The following FHIT variants were observed in gnomAD, a reference collection of about 807,000 sequenced individuals.
The protein encoded by FHIT is fragile histidine triad diadenosine triphosphatase, also known as bis(5'-adenosyl)-triphosphatase.
Under a neutral mutation model 17.9 loss-of-function variants are expected in FHIT, and 19 were observed. That is an observed-to-expected ratio of 1.06 (90% confidence interval 0.74 to 1.56). The LOEUF is 1.56. FHIT is among the 40% of genes most tolerant of loss of function. The pLI is 0.00. For missense variants in FHIT, 248 were observed against 189.2 expected (o/e 1.31, Z -1.82); for synonymous variants, 81 against 69.7 (o/e 1.16, Z -0.81).
chr3:59,889,486 G>T (rs1263285629), intron 8 of FHIT, among the ~76,000 whole-genome samples: 1 of 152,146 alleles, frequency 6.6e-6, no homozygotes, highest in African/African-American at 2.4e-5. Flanking sequence ...ACATCATGAA[G>T]GTGAGACCCT....
chr3:60,522,800 G>A (rs1327149559), intron 5 of FHIT, among the ~76,000 whole-genome samples: 1 of 152,126 alleles, frequency 6.6e-6, no homozygotes, highest in Non-Finnish European at 1.5e-5. Flanking sequence ...CTCAAGAATT[G>A]ATGCTCTTTC....
chr3:60,803,824 C>A (rs1553733074), intron 4 of FHIT, among the ~76,000 whole-genome samples: 1 of 152,032 alleles, frequency 6.6e-6, no homozygotes, highest in African/African-American at 2.4e-5. Context: ...CGCTGAATGC[C>A]AACTCAGCCA....
At chr3:60,918,266 G>C in intron 3 of FHIT, among the ~76,000 whole-genome samples, 1 of 152,130 alleles carries the variant, frequency 6.6e-6, no homozygotes, top group Non-Finnish European at 1.5e-5. Flanking sequence ...GTCTTTACTA[G>C]CAGTGTGAGA....
At chr3:60,075,153 A>G (rs1202551495) in intron 5 of FHIT, among the ~76,000 whole-genome samples, 1 of 152,184 alleles carries the variant, frequency 6.6e-6, no homozygotes, top group Non-Finnish European at 1.5e-5. Flanking sequence ...CACACAGGAA[A>G]TAAAGGCACA....
At position 60,433,215 on chromosome 3, in the gene FHIT, A is replaced by G. The variant is rs181609588; in HGVS notation, c.103+103645T>C. 2.4e-3 allele frequency among the ~76,000 whole-genome samples: 364 copies of G among 152,218 alleles called. 1 individual carries two copies. Among genetic ancestry groups the G allele is most frequent in the Non-Finnish European group, 4.0e-3 (275 of 68,002 alleles). On this transcript the variant is annotated intron_variant, in intron 5 of 9. Coordinates refer to ENST00000492590, the MANE Select transcript of FHIT (RefSeq NM_002012.4). ...AATATCATCTGACATGATGACCTTC[A>G]GGTTCATCTACATTATCTCCTATGA... is the stretch of plus-strand genomic sequence containing the variant.
intron 5 of FHIT, among the ~76,000 whole-genome samples, chr3:60,357,124 G>C (rs777999870): frequency 6.6e-6 from 1 of 152,160 alleles, no homozygotes; most frequent in African/African-American, 2.4e-5. Context: ...TATTATGTAG[G>C]CATTCTCAAG....
chr3:60,551,614 G>C (rs1255413088), intron 4 of FHIT, among the ~76,000 whole-genome samples: 1 of 127,248 alleles, frequency 7.9e-6, no homozygotes, highest in Non-Finnish European at 1.7e-5. Context: ...GAAGAAATTA[G>C]CTGGGTGTGG....
At chr3:59,845,593 CTTCTGT>C (rs1701689356) in intron 8 of FHIT, among the ~76,000 whole-genome samples, 1 of 151,884 alleles carries the variant, frequency 6.6e-6, no homozygotes, top group Non-Finnish European at 1.5e-5. Context: ...TTCAGTTTTC[CTTCTGT>C]TACTGATTTC....
At chr3:60,495,457 C>T (rs1297574387) in intron 5 of FHIT, among the ~76,000 whole-genome samples, 1 of 151,704 alleles carries the variant, frequency 6.6e-6, no homozygotes, top group African/African-American at 2.4e-5. Context: ...ATGAGGTAAA[C>T]AAATATGAGT....
chr3:61,086,247 G>C (rs900406418), intron 2 of FHIT, among the ~76,000 whole-genome samples: 4 of 152,048 alleles, frequency 2.6e-5, no homozygotes, highest in African/African-American at 9.7e-5. Context: ...AAAATATATA[G>C]AGAGTCTTTA....
chr3:60,839,688 T>C (rs1702653018), intron 3 of FHIT, among the ~76,000 whole-genome samples: 1 of 152,170 alleles, frequency 6.6e-6, no homozygotes, highest in Non-Finnish European at 1.5e-5. Context: ...AGCTCATTTG[T>C]TGTCCCTCTC....
At chr3:60,502,499 G>T (rs1041269296) in intron 5 of FHIT, among the ~76,000 whole-genome samples, 1 of 152,110 alleles carries the variant, frequency 6.6e-6, no homozygotes, top group Admixed American at 6.5e-5. Flanking sequence ...TTTCTTGCGG[G>T]TTTAGGTCTT....
At chr3:59,898,435 T>C (rs950534400) in intron 8 of FHIT, among the ~76,000 whole-genome samples, 1 of 145,918 alleles carries the variant, frequency 6.9e-6, no homozygotes, top group African/African-American at 2.7e-5. Flanking sequence ...TGTGTGCGTG[T>C]GTATGTTTGT....
At chr3:59,774,201 G>C (rs1702200883) in intron 8 of FHIT, among the ~76,000 whole-genome samples, 1 of 152,156 alleles carries the variant, frequency 6.6e-6, no homozygotes, top group Admixed American at 6.6e-5. Context: ...ATTTGGTAAA[G>C]GGGCTTTTAT....
At chr3:60,476,430 T>A (rs1003706009) in intron 5 of FHIT, among the ~76,000 whole-genome samples, 3 of 152,094 alleles carry the variant, frequency 2.0e-5, no homozygotes, top group African/African-American at 7.2e-5. Flanking sequence ...AAAAAGTAAC[T>A]GCTATAAGGG....
intron 8 of FHIT, among the ~76,000 whole-genome samples, chr3:59,767,575 G>A (rs1025367912): frequency 3.9e-5 from 6 of 152,240 alleles, no homozygotes; most frequent in Middle Eastern, 6.8e-3. Context: ...TTTTGCTCCC[G>A]GAAAGTGGAA....
At chr3:60,046,082 C>G (rs1373249297) in intron 5 of FHIT, among the ~76,000 whole-genome samples, 6 of 152,160 alleles carry the variant, frequency 3.9e-5, no homozygotes. Flanking sequence ...TATATTTCTG[C>G]CTAATATTTC....
intron 5 of FHIT, among the ~76,000 whole-genome samples, chr3:60,467,732 T>C (rs1451034722): frequency 6.6e-6 from 1 of 152,066 alleles, no homozygotes. Context: ...TTTTGTGGCC[T>C]GAAATATGGT....
intron 3 of FHIT, among the ~76,000 whole-genome samples, chr3:60,992,618 G>C (rs2107585698): frequency 6.6e-6 from 1 of 152,332 alleles, no homozygotes; most frequent in South Asian, 2.1e-4. Flanking sequence ...GCTCGGCTTA[G>C]CAGCAGGACA....
Sources: allele counts gnomAD v4.1 joint callset (sites outside exome capture counted in the v4.1 genomes callset), GRCh38; gene constraint gnomAD v4.1.1; transcripts MANE v1.5; gene names NCBI Gene and HGNC (gene_info 2026-07-23, HGNC 2026-07-21).